Variants in GRM1 observed in about 807,000 individuals in gnomAD.
The protein encoded by GRM1 is metabotropic glutamate receptor 1.
GRM1 carries 33 observed loss-of-function variants against 90.9 expected under a neutral mutation model. The ratio of observed to expected loss-of-function variants is 0.36; its 90% CI spans 0.28 to 0.49. The LOEUF is 0.49. Ranked by LOEUF, GRM1 falls within the 20% of genes least tolerant of loss-of-function variation. The pLI, the probability that GRM1 is intolerant of heterozygous loss-of-function variation, is 0.99. For synonymous variants in GRM1, 700 were observed against 613.2 expected, an observed-to-expected ratio of 1.14 and a Z score of -2.09; for missense variants, 1,190 against 1,534.3, an observed-to-expected ratio of 0.78 and a Z score of 3.75.
chr6:146,179,162 A>G (rs1778447982), intron 2 of GRM1, among the ~76,000 whole-genome samples: 1 of 152,140 alleles, frequency 6.6e-6, no homozygotes, highest in Admixed American at 6.5e-5. Context: ...AAAATAAATC[A>G]ACACTCTCAC....
chr6:146,244,301 G>A (rs767695255), intron 2 of GRM1, among the ~76,000 whole-genome samples: 1 of 152,156 alleles, frequency 6.6e-6, no homozygotes, highest in Non-Finnish European at 1.5e-5. Context: ...TTCAGAGATT[G>A]CAGTAAAGAT....
At chr6:146,122,281 T>C (rs1377443909) in intron 1 of GRM1, among the ~76,000 whole-genome samples, 1 of 152,168 alleles carries the variant, frequency 6.6e-6, no homozygotes, top group Non-Finnish European at 1.5e-5. Context: ...TTCAGTTCTT[T>C]TGTAGTATTT....
chr6:146,285,928 G>A (rs372838094), intron 2 of GRM1, among the ~76,000 whole-genome samples: 27 of 152,162 alleles, frequency 1.8e-4, no homozygotes, highest in East Asian at 1.2e-3. Context: ...TTTTTAATAC[G>A]TTGAATGAAA....
chr6:146,405,777 C>T (rs867022315), intron 7 of GRM1, among the ~76,000 whole-genome samples: 1 of 152,246 alleles, frequency 6.6e-6, no homozygotes, highest in Middle Eastern at 3.4e-3. Context: ...TTCATCTAAA[C>T]CTAATTACCC....
chr6:146,396,461 G>T (rs554920877), intron 6 of GRM1, among the ~76,000 whole-genome samples: 1 of 152,242 alleles, frequency 6.6e-6, no homozygotes, highest in South Asian at 2.1e-4. Flanking sequence ...TTGGCAAATT[G>T]GTTATCAATT....
intron 2 of GRM1, among the ~76,000 whole-genome samples, chr6:146,265,384 T>A (rs775251316): frequency 6.6e-6 from 1 of 152,212 alleles, no homozygotes; most frequent in Non-Finnish European, 1.5e-5. Flanking sequence ...GTTATTTGAT[T>A]TTTCTTGATG....
intron 1 of GRM1, among the ~76,000 whole-genome samples, chr6:146,078,164 G>A (rs935666382): frequency 1.3e-5 from 2 of 152,116 alleles, no homozygotes; most frequent in Admixed American, 6.6e-5. Flanking sequence ...ATTTTCATAC[G>A]GGCTGGGAAT....
chr6:146,169,223 A>G (rs563306618), intron 2 of GRM1, among the ~76,000 whole-genome samples: 3 of 152,190 alleles, frequency 2.0e-5, no homozygotes, highest in African/African-American at 7.2e-5. Context: ...CCCATCATGT[A>G]ATTTTAAAAT....
intron 2 of GRM1, among the ~76,000 whole-genome samples, chr6:146,189,641 T>C (rs1045348772): frequency 4.6e-5 from 7 of 152,188 alleles, no homozygotes; most frequent in Admixed American, 6.6e-5. Flanking sequence ...CAAGTGAAGA[T>C]AGGCACTTGA....
rs362864 is a variant in GRM1 at position 146,341,516 on chromosome 6, T to G, written c.1187-10734T>G. Among the ~76,000 whole-genome samples, 363 of 152,322 alleles carry G rather than the reference T, an allele frequency of 2.4e-3. 9 individuals carry two copies. The East Asian group carries it at 0.04, about 17-fold the overall frequency. On this transcript the variant is annotated intron_variant, in intron 3 of 7. Coordinates refer to ENST00000282753, the MANE Select transcript of GRM1 (RefSeq NM_001278064.2). ...TGTGTTTGTCTCATATATTCTCATC[T>G]CAAAATAACTAGAAACCATCAGGGA...
At position 146,117,583 on chromosome 6, in the gene GRM1, C is replaced by CT. The variant is rs759981110; in HGVS notation, c.701-41757dup. 2.6e-4 allele frequency among the ~76,000 whole-genome samples: 39 copies of CT among 151,610 alleles called. 1 individual carries two copies. The highest frequency in any genetic ancestry group is 1.7e-3 in the Admixed American group (26 of 15,210). On this transcript the variant is annotated intron_variant, in intron 1 of 7. Transcript: ENST00000282753. ...TTTTTGCACTTTCATTTTATGACTT[C>CT]TTTTTTTTGTTTATTTTTACTTATT...
chr6:146,221,534 T>G (rs1025344371), intron 2 of GRM1, among the ~76,000 whole-genome samples: 4 of 152,210 alleles, frequency 2.6e-5, no homozygotes, highest in African/African-American at 9.6e-5. Context: ...TTCATCCTTT[T>G]TTATGGCTGC....
intron 3 of GRM1, among the ~76,000 whole-genome samples, chr6:146,314,650 G>T (rs974391094): frequency 2.0e-5 from 3 of 152,094 alleles, no homozygotes; most frequent in African/African-American, 7.2e-5. Context: ...ATCACAAAGG[G>T]ATTGAACACT....
chr6:146,256,759 C>T (rs1781493777), intron 2 of GRM1, among the ~76,000 whole-genome samples: 1 of 152,148 alleles, frequency 6.6e-6, no homozygotes. Context: ...CAACTCCAGG[C>T]TTTCTCTACT....
chr6:146,059,004 T>C (rs924895649), intron 1 of GRM1, among the ~76,000 whole-genome samples: 1 of 152,164 alleles, frequency 6.6e-6, no homozygotes, highest in African/African-American at 2.4e-5. Flanking sequence ...AAGACCTTCA[T>C]GAAGGGTGGA....
chr6:146,144,999 C>A (rs774851637), intron 1 of GRM1, among the ~76,000 whole-genome samples: 1 of 152,118 alleles, frequency 6.6e-6, no homozygotes, highest in Non-Finnish European at 1.5e-5. Flanking sequence ...TGCCCAAGGG[C>A]TTTGTGGAAA....
chr6:146,266,706 G>A (rs73577140), intron 2 of GRM1, among the ~76,000 whole-genome samples: 2 of 152,196 alleles, frequency 1.3e-5, no homozygotes, highest in Non-Finnish European at 2.9e-5. Context: ...TAGCCTTACA[G>A]CAAGCCCTGC....
intron 3 of GRM1, among the ~76,000 whole-genome samples, chr6:146,328,218 C>T (rs1784462407): frequency 2.0e-5 from 3 of 152,046 alleles, no homozygotes; most frequent in Non-Finnish European, 4.4e-5. Flanking sequence ...ATTTAGAATT[C>T]CTATGTGAAC....
intron 7 of GRM1, among the ~76,000 whole-genome samples, chr6:146,405,326 A>G (rs1376112326): frequency 6.6e-6 from 1 of 152,190 alleles, no homozygotes; most frequent in Non-Finnish European, 1.5e-5. Context: ...AAGAACAAAC[A>G]TTAGGGAACT....
Sources: allele counts gnomAD v4.1 joint callset (sites outside exome capture counted in the v4.1 genomes callset), GRCh38; gene constraint gnomAD v4.1.1; transcripts MANE v1.5; gene names NCBI Gene and HGNC (gene_info 2026-07-23, HGNC 2026-07-21).